SYT3: variants seen among roughly 807,000 people sequenced by gnomAD.
SYT3 encodes the protein synaptotagmin 3.
Under a neutral mutation model 50.6 loss-of-function variants are expected in SYT3, and 25 were observed. The observed-to-expected ratio is 0.49, with a 90% CI of 0.36 to 0.69. The LOEUF (loss-of-function observed/expected upper bound fraction) is 0.69. Among genes scored for constraint, SYT3 ranks in the 30% least tolerant of loss-of-function variants. SYT3 has a pLI of 0.00. For synonymous variants in SYT3, 323 were observed against 353.9 expected (o/e 0.91, Z 0.98); for missense variants, 589 against 793.6 (o/e 0.74, Z 3.10).
At chr19:50,657,752 A>G in the SYT3 span, among the ~76,000 whole-genome samples, 10 of 152,234 alleles carry the variant, frequency 6.6e-5, no homozygotes, top group African/African-American at 2.4e-4. Flanking sequence ...GCTTGGTGAG[A>G]ATTGATTTTT....
chr19:50,624,504 G>T (rs1568759827), intron 9 of SYT3, among the ~76,000 whole-genome samples: 1 of 151,166 alleles, frequency 6.6e-6, no homozygotes, highest in Non-Finnish European at 1.5e-5. Context: ...TCTATTGAGA[G>T]AATGGCCATG....
chr19:50,629,342 C>T lies in SYT3; in HGVS notation c.1233G>A (p.Glu411=). Residue 411 remains glutamate (E), a synonymous_variant, in exon 6 of 11, where the codon GAG becomes GAA. Coordinates refer to ENST00000600079, the MANE Select transcript of SYT3 (RefSeq NM_001160329.2). The part of the protein sequence containing the change: ...VVLDNLLELA[E]QPPDRPLWRD... ...TCCAGAGCGGGCGGTCAGGGGGCTG[C>T]TCGGCCAGCTCCAGGAGGTTGTCCA... is the stretch of plus-strand genomic sequence containing the variant. The T allele has an allele frequency of 1.2e-6, 2 of 1,613,174 alleles. No homozygotes were observed. Among genetic ancestry groups the T allele is most frequent in the Non-Finnish European group, 1.7e-6 (2 of 1,179,544 alleles).
chr19:50,646,945 C>T, the SYT3 span, among the ~76,000 whole-genome samples: 12 of 152,088 alleles, frequency 7.9e-5, no homozygotes, highest in Non-Finnish European at 1.6e-4. Context: ...ATTCTCCTGC[C>T]TCAGCCTCCC....
chr19:50,636,804 A>T (rs898736893), intron 3 of SYT3, among the ~76,000 whole-genome samples: 5 of 152,208 alleles, frequency 3.3e-5, no homozygotes, highest in Non-Finnish European at 1.5e-5. Flanking sequence ...CATTGTTCTA[A>T]GTTCTTCGTA....
At chr19:50,630,315 G>T in intron 4 of SYT3, 144 bp from the exon 5 acceptor site, 1 of 770,356 alleles carries the variant, frequency 1.3e-6, no homozygotes, top group Non-Finnish European at 1.9e-6. Flanking sequence ...CACTGTGTGA[G>T]CTTGAGGAAG....
the SYT3 span, among the ~76,000 whole-genome samples, chr19:50,647,072 C>T: frequency 1.1e-4 from 17 of 152,134 alleles, no homozygotes; most frequent in Middle Eastern, 3.4e-3. Flanking sequence ...CCTCGTGATC[C>T]GCCCGTCTCG....
Position 50,637,566 on chromosome 19 carries a change from G to A in SYT3, c.-15-140C>T. ...AAGGGGACAGAGATTAGGGGCAGATGGATTAGGGATGGAGATTCGAGGAAG... is the reference window on the plus strand; with the variant it reads ...AAGGGGACAGAGATTAGGGGCAGATAGATTAGGGATGGAGATTCGAGGAAG... On this transcript the variant is annotated intron_variant, in intron 2 of 10. Transcript: ENST00000600079. The surrounding 1 kb of genome is among the most constrained non-coding windows in gnomAD (Gnocchi z 4.9). The A allele has an allele frequency of 1.5e-6, 1 of 658,770 alleles. No homozygotes were observed. Among genetic ancestry groups the A allele is most frequent in the South Asian group, 2.2e-5 (1 of 45,084 alleles). The allele number at this position is 658,770 out of a possible 1,614,324, so 40.8% of individuals were successfully genotyped here. A position where few individuals can be genotyped will look rare whatever the true frequency, so the allele number is the denominator to read the frequency against.
At chr19:50,622,573 G>A in intron 10 of SYT3, 92 bp from the exon 11 acceptor site, 2 of 789,360 alleles carry the variant, frequency 2.5e-6, no homozygotes, top group Non-Finnish European at 4.5e-6. Context: ...AGATCCAGGA[G>A]TCCCAGGCGC....
chr19:50,631,584 T>C (rs959009941), intron 4 of SYT3, among the ~76,000 whole-genome samples: 2 of 152,122 alleles, frequency 1.3e-5, no homozygotes, highest in Non-Finnish European at 2.9e-5. Flanking sequence ...CCTCTTGTCT[T>C]TGCCTGGGCC....
chr19:50,622,640 G>A lies in SYT3; in HGVS notation c.*3+47C>T, dbSNP rs370127270. 1.4e-4 allele frequency: 164 copies of A among 1,168,144 alleles called. 2 individuals are homozygous for A. Among genetic ancestry groups the A allele is most frequent in the African/African-American group, 1.3e-3 (85 of 67,736 alleles). 72.4% of individuals were successfully genotyped at this position (1,168,144 alleles called of 1,614,324 possible). A position where few individuals can be genotyped will look rare whatever the true frequency, so the allele number is the denominator to read the frequency against. On this transcript the variant is annotated intron_variant, in intron 10 of 10. Transcript: ENST00000600079. Reference sequence around the variant, plus strand: ...GCCCCCAGCCCCTCCTCCCTCAGACGCAGGCATCTCCACCCCCAGCCCCTT... The same window carrying A: ...GCCCCCAGCCCCTCCTCCCTCAGACACAGGCATCTCCACCCCCAGCCCCTT...
chr19:50,654,423 C>T, the SYT3 span, among the ~76,000 whole-genome samples: 1 of 152,018 alleles, frequency 6.6e-6, no homozygotes, highest in Non-Finnish European at 1.5e-5. Context: ...CTGCCTCAGC[C>T]TCCCGAGTAG....
intron 4 of SYT3, among the ~76,000 whole-genome samples, chr19:50,631,404 T>A (rs1479773192): frequency 6.6e-6 from 1 of 152,106 alleles, no homozygotes; most frequent in East Asian, 1.9e-4. Context: ...CCTCAAGTGA[T>A]CTGCCCACTT....
At position 50,625,766 on chromosome 19, in the gene SYT3, C is replaced by A; in HGVS notation, c.1402+131G>T. The A allele has an allele frequency of 1.3e-6, 1 of 772,320 alleles. No homozygotes were observed. The highest frequency in any genetic ancestry group is 2.0e-6 in the Non-Finnish European group (1 of 497,498). 47.8% of individuals were successfully genotyped at this position (772,320 alleles called of 1,614,324 possible). ...GAGTCCAGGCCCCTGGCCCCTCCTC[C>A]CTCAGACCCAGGAGTCCAGATCCCC... On this transcript the variant is annotated intron_variant, in intron 7 of 10. Transcript: ENST00000600079. This position sits in a 1 kb window ranked among gnomAD's most constrained non-coding sequence, Gnocchi z 7.5.
rs928628526 is a variant in SYT3, at chr19:50,632,897, T to C, written c.149-86A>G. On this transcript the variant is annotated intron_variant, in intron 3 of 10. Transcript: ENST00000600079. The surrounding 1 kb of genome is among the most constrained non-coding windows in gnomAD (Gnocchi z 4.7). ...CTGTCCCCAAAGAGTTAACCCTTCA[T>C]ATTTGCCATGCAATTGTCCATGCAA... 47 of 1,171,704 alleles carry C rather than the reference T, an allele frequency of 4.0e-5. No individual in the cohort carries two copies. The East Asian group carries it at 8.6e-4, about 21-fold the overall frequency. 72.6% of individuals were successfully genotyped at this position (1,171,704 alleles called of 1,614,324 possible). A position where few individuals can be genotyped will look rare whatever the true frequency, so the allele number is the denominator to read the frequency against.
chr19:50,626,629 A>C (rs1335311451), intron 6 of SYT3, among the ~76,000 whole-genome samples: 1 of 151,126 alleles, frequency 6.6e-6, no homozygotes, highest in Non-Finnish European at 1.5e-5. Flanking sequence ...AGAGGAGGAC[A>C]GACCCAGAGA....
the SYT3 span, among the ~76,000 whole-genome samples, chr19:50,650,725 G>A: frequency 1.6e-4 from 24 of 152,316 alleles, no homozygotes; most frequent in Non-Finnish European, 2.9e-4. Context: ...AAAACTCACT[G>A]CAGCCTTGAG....
intron 2 of SYT3, among the ~76,000 whole-genome samples, chr19:50,638,444 G>A (rs1157633347): frequency 6.6e-6 from 1 of 151,730 alleles, no homozygotes; most frequent in Non-Finnish European, 1.5e-5. Flanking sequence ...TGCAGAGATG[G>A]GGACCAAGTT....
the SYT3 span, chr19:50,655,953 T>G: frequency 8.7e-7 from 1 of 1,151,992 alleles, no homozygotes; most frequent in African/African-American, 1.5e-5. Context: ...CAAGCTATTC[T>G]GGGTGTGGCA....
At chr19:50,635,580 T>A (rs1984470910) in intron 3 of SYT3, among the ~76,000 whole-genome samples, 1 of 151,900 alleles carries the variant, frequency 6.6e-6, no homozygotes, top group African/African-American at 2.4e-5. Context: ...CTGATTAGAG[T>A]GTCTTTGTTT....
Sources: allele counts gnomAD v4.1 joint callset (sites outside exome capture counted in the v4.1 genomes callset), GRCh38; gene constraint gnomAD v4.1.1; non-coding constraint Gnocchi (gnomAD v3.1); transcripts MANE v1.5; gene names NCBI Gene and HGNC (gene_info 2026-07-23, HGNC 2026-07-21).